Variants in KCNN2 observed in about 807,000 individuals in gnomAD.
The protein encoded by KCNN2 is potassium calcium-activated channel subfamily N member 2.
Under a neutral mutation model 55.5 loss-of-function variants are expected in KCNN2, and 24 were observed. That is an observed-to-expected ratio of 0.43 (90% CI 0.31 to 0.61). KCNN2 has a LOEUF of 0.61. KCNN2 is among the 20% of genes least tolerant of loss of function. KCNN2 has a pLI of 0.08. For missense variants in KCNN2, 754 were observed against 853.6 expected (o/e 0.88, Z 1.45); for synonymous variants, 431 against 336.1 (o/e 1.28, Z -3.09).
At chr5:114,113,110 A>C (rs1406163016) in intron 1 of KCNN2, among the ~76,000 whole-genome samples, 1 of 151,964 alleles carries the variant, frequency 6.6e-6, no homozygotes, top group East Asian at 1.9e-4. Context: ...AACTTCAAAA[A>C]ATTTTTTATC....
At chr5:114,189,644 C>T (rs542252181) in intron 1 of KCNN2, among the ~76,000 whole-genome samples, 1 of 152,278 alleles carries the variant, frequency 6.6e-6, no homozygotes, top group African/African-American at 2.4e-5. Context: ...CTATTCCAAG[C>T]ACTTTGTGTA....
chr5:114,392,157 G>T (rs967792964), intron 2 of KCNN2, among the ~76,000 whole-genome samples: 3 of 152,086 alleles, frequency 2.0e-5, no homozygotes, highest in Non-Finnish European at 2.9e-5. Flanking sequence ...AATACTATTG[G>T]GTTAGCCACT....
chr5:114,396,451 G>A (rs1000740710), intron 2 of KCNN2, among the ~76,000 whole-genome samples: 1 of 152,020 alleles, frequency 6.6e-6, no homozygotes, highest in Admixed American at 6.6e-5. Flanking sequence ...TGGTTCAAGG[G>A]TACATGTGCA....
chr5:114,467,109 T>C (rs769242937), intron 4 of KCNN2, among the ~76,000 whole-genome samples: 1 of 152,150 alleles, frequency 6.6e-6, no homozygotes, highest in Non-Finnish European at 1.5e-5. Flanking sequence ...TAACATCACA[T>C]GGTGACTCCA....
intron 3 of KCNN2, among the ~76,000 whole-genome samples, chr5:114,419,283 C>T (rs757251529): frequency 3.3e-5 from 5 of 151,920 alleles, no homozygotes; most frequent in African/African-American, 7.3e-5. Flanking sequence ...AATTGTTTGG[C>T]GAAAAAGAGA....
At chr5:114,494,972 A>T (rs1748043693) in intron 7 of KCNN2, among the ~76,000 whole-genome samples, 1 of 152,164 alleles carries the variant, frequency 6.6e-6, no homozygotes, top group Admixed American at 6.5e-5. Flanking sequence ...CAGACTTGGG[A>T]AAGTCTGCAC....
At chr5:114,466,374 T>C (rs764293166) in intron 4 of KCNN2, among the ~76,000 whole-genome samples, 2 of 152,130 alleles carry the variant, frequency 1.3e-5, no homozygotes, top group Non-Finnish European at 2.9e-5. Flanking sequence ...ACAGTGTCTA[T>C]CAGCTTTTGG....
At chr5:114,385,515 G>GCACA (rs1491430759) in intron 2 of KCNN2, among the ~76,000 whole-genome samples, 21 of 65,398 alleles carry the variant, frequency 3.2e-4, no homozygotes, top group African/African-American at 1.1e-3. Flanking sequence ...ATACACACAT[G>GCACA]CGCGCACACA....
intron 2 of KCNN2, among the ~76,000 whole-genome samples, chr5:114,384,863 A>T (rs957414361): frequency 6.6e-6 from 1 of 152,174 alleles, no homozygotes; most frequent in Non-Finnish European, 1.5e-5. Context: ...CGTGACACAC[A>T]TTTGCCATCA....
chr5:114,246,490 A>G (rs1258943684), intron 2 of KCNN2, among the ~76,000 whole-genome samples: 1 of 152,206 alleles, frequency 6.6e-6, no homozygotes. Context: ...ATAGAGTAGA[A>G]TTACTAAATC....
At chr5:114,206,434 A>G (rs1580618030) in intron 1 of KCNN2, among the ~76,000 whole-genome samples, 1 of 152,288 alleles carries the variant, frequency 6.6e-6, no homozygotes, top group East Asian at 1.9e-4. Context: ...GATTTCTGTT[A>G]GCGACATCAT....
chr5:114,441,308 AAC>A (rs960186489), intron 3 of KCNN2, among the ~76,000 whole-genome samples: 2 of 152,236 alleles, frequency 1.3e-5, no homozygotes, highest in African/African-American at 4.8e-5. Flanking sequence ...TGATTTGAAT[AAC>A]ACAGTTAACA....
Position 114,363,887 on chromosome 5 carries a change from C to T in KCNN2, c.1123-19C>T, listed in dbSNP as rs749436195. The T allele has an allele frequency of 6.9e-6, 11 of 1,597,982 alleles. No homozygotes were observed. The highest frequency in any genetic ancestry group is 1.7e-4 in the Middle Eastern group (1 of 6,054). On this transcript the variant is annotated intron_variant, in intron 1 of 7. Coordinates refer to ENST00000673685, the MANE Select transcript of KCNN2 (RefSeq NM_021614.4). ...AAGTGCTTCTTTCTTAAAAGTGCTTCTGTCTGACTGTGTTGCAGGCGTCGC... is the reference window on the plus strand; with the variant it reads ...AAGTGCTTCTTTCTTAAAAGTGCTTTTGTCTGACTGTGTTGCAGGCGTCGC...
chr5:114,373,808 T>C (rs1757848846), intron 2 of KCNN2, among the ~76,000 whole-genome samples: 1 of 149,810 alleles, frequency 6.7e-6, no homozygotes. Context: ...ATTTTTTTTT[T>C]TCCTTATGAA....
chr5:114,434,153 C>A (rs374795123), intron 3 of KCNN2, among the ~76,000 whole-genome samples: 91 of 150,774 alleles, frequency 6.0e-4, no homozygotes, highest in African/African-American at 1.6e-3. Flanking sequence ...CACTTTTTAT[C>A]CTTTTTAGCA....
intron 3 of KCNN2, among the ~76,000 whole-genome samples, chr5:114,443,065 G>C (rs1369331829): frequency 2.0e-5 from 3 of 152,142 alleles, no homozygotes; most frequent in African/African-American, 7.2e-5. Context: ...GGCTGAGGGG[G>C]TCAGATCACG....
At chr5:114,352,557 T>C (rs1381032415) in intron 2 of KCNN2, among the ~76,000 whole-genome samples, 1 of 151,796 alleles carries the variant, frequency 6.6e-6, no homozygotes, top group African/African-American at 2.4e-5. Flanking sequence ...AATTTACATA[T>C]TTATGGCTAA....
chr5:114,421,332 C>T (rs1016141840), intron 3 of KCNN2, among the ~76,000 whole-genome samples: 9 of 151,810 alleles, frequency 5.9e-5, no homozygotes, highest in Admixed American at 2.0e-4. Flanking sequence ...GCTCTGTGGC[C>T]CAAGCTGGAG....
At chr5:114,194,259 G>A (rs776408032) in intron 1 of KCNN2, among the ~76,000 whole-genome samples, 27 of 151,936 alleles carry the variant, frequency 1.8e-4, no homozygotes, top group Admixed American at 9.8e-4. Flanking sequence ...TTGTTTAATC[G>A]TTTGAAGAAA....
Sources: allele counts gnomAD v4.1 joint callset (sites outside exome capture counted in the v4.1 genomes callset), GRCh38; gene constraint gnomAD v4.1.1; transcripts MANE v1.5; gene names NCBI Gene and HGNC (gene_info 2026-07-23, HGNC 2026-07-21).